SETD7: variants seen among roughly 807,000 people sequenced by gnomAD.
SETD7 encodes SET domain containing 7, histone lysine methyltransferase.
SETD7 carries 16 observed loss-of-function variants against 41.8 expected under a neutral mutation model. That is an observed-to-expected ratio of 0.38 (90% confidence interval 0.26 to 0.58). The LOEUF (loss-of-function observed/expected upper bound fraction) is 0.58, where lower values mean the gene tolerates loss of function less well. SETD7 is among the 20% of genes least tolerant of loss of function. The pLI, the probability that SETD7 is intolerant of heterozygous loss-of-function variation, is 0.64. For synonymous variants in SETD7, 163 were observed against 169.7 expected (o/e 0.96, Z 0.31); for missense variants, 346 against 459.7 (o/e 0.75, Z 2.26).
intron 7 of SETD7, among the ~76,000 whole-genome samples, chr4:139,513,256 C>A (rs1431720601): frequency 6.6e-6 from 1 of 151,400 alleles, no homozygotes. Context: ...CCCATCTCTA[C>A]TAAAAATGCA....
At chr4:139,534,774 C>A (rs1385165350) in intron 2 of SETD7, among the ~76,000 whole-genome samples, 1 of 152,204 alleles carries the variant, frequency 6.6e-6, no homozygotes. Flanking sequence ...ACACTGTGAA[C>A]TGGAGCAGAT....
chr4:139,551,337 G>A (rs545258564), intron 1 of SETD7, among the ~76,000 whole-genome samples: 4 of 152,296 alleles, frequency 2.6e-5, no homozygotes, highest in South Asian at 2.1e-4. Flanking sequence ...TAAGGTTGCC[G>A]GAGCTAATGT....
At chr4:139,516,248 C>G (rs1469287987) in intron 7 of SETD7, among the ~76,000 whole-genome samples, 4 of 151,096 alleles carry the variant, frequency 2.6e-5, no homozygotes. Flanking sequence ...GGTGGATCCC[C>G]TGAGGTCAGG....
rs1302121816 is a variant in SETD7, at chr4:139,555,215, C to A, written c.40+883G>T. Among the ~76,000 whole-genome samples the A allele has an allele frequency of 2.0e-5, 3 of 148,026 alleles. No individual in the cohort carries two copies. Among genetic ancestry groups the A allele is most frequent in the East Asian group, 3.9e-4 (2 of 5,108 alleles). ...AAAAAAAAAAGGTGGAGAAACTCAG[C>A]AAAACAAAGTGGCGAGAAAAGTCGG... On this transcript the variant is annotated intron_variant, in intron 1 of 7. Transcript: ENST00000274031. The surrounding 1 kb of genome is among the most constrained non-coding windows in gnomAD (Gnocchi z 4.0).
intron 3 of SETD7, chr4:139,532,832 A>G (rs559415598): frequency 8.4e-6 from 3 of 357,880 alleles, no homozygotes; most frequent in Non-Finnish European, 1.5e-5. Context: ...AATTTCCACT[A>G]TCTCCCTCTA....
At chr4:139,541,239 T>G (rs1169948227) in intron 2 of SETD7, among the ~76,000 whole-genome samples, 1 of 152,178 alleles carries the variant, frequency 6.6e-6, no homozygotes, top group African/African-American at 2.4e-5. Flanking sequence ...AAAGCCAATC[T>G]GAAGAAATAT....
At chr4:139,514,468 CAG>C (rs3075113) in intron 7 of SETD7, among the ~76,000 whole-genome samples, 32,206 of 151,828 alleles carry the variant, frequency 0.21, 4,404 homozygotes, top group African/African-American at 0.39. Flanking sequence ...TCATCATTTT[CAG>C]AGTGTAGATA....
chr4:139,516,315 A>G (rs961502612), intron 7 of SETD7, among the ~76,000 whole-genome samples: 1 of 151,912 alleles, frequency 6.6e-6, no homozygotes, highest in Non-Finnish European at 1.5e-5. Flanking sequence ...AAAATACAAC[A>G]ATTAGCCATG....
chr4:139,507,519 C>T lies in SETD7; in HGVS notation c.*4144G>A, dbSNP rs1726741585. ...AAATTTTTGTAATGTGTTTAAGTAG[C>T]ACTGGAATAATTCAACTTCATTTAA... On this transcript the variant is annotated 3_prime_UTR_variant, in exon 8 of 8. Transcript: ENST00000274031. The T allele has an allele frequency of 6.6e-6, 1 of 152,618 alleles. No homozygotes were observed. Among genetic ancestry groups the T allele is most frequent in the Non-Finnish European group, 1.5e-5 (1 of 68,040 alleles). The allele number at this position is 152,618 out of a possible 1,614,324, so 9.5% of individuals were successfully genotyped here.
intron 5 of SETD7, among the ~76,000 whole-genome samples, chr4:139,522,781 T>A (rs575707284): frequency 2.2e-4 from 31 of 137,890 alleles, no homozygotes; most frequent in Non-Finnish European, 3.8e-4. Flanking sequence ...TTAGATGGAG[T>A]CTTGCTCTGT....
chr4:139,517,771 G>C (rs1214215254), intron 7 of SETD7, 114 bp downstream of exon 7: 1 of 1,128,388 alleles, frequency 8.9e-7, no homozygotes, highest in South Asian at 1.6e-5. Flanking sequence ...GAGGACCCAT[G>C]GTCATTCAGA....
chr4:139,512,075 C>T (rs1268315404), intron 7 of SETD7, among the ~76,000 whole-genome samples: 1 of 152,184 alleles, frequency 6.6e-6, no homozygotes, highest in Admixed American at 6.5e-5. Flanking sequence ...TAGCGACACC[C>T]CCAGGCGATC....
chr4:139,550,661 T>G (rs1728085607), intron 1 of SETD7, among the ~76,000 whole-genome samples: 1 of 152,192 alleles, frequency 6.6e-6, no homozygotes, highest in African/African-American at 2.4e-5. Flanking sequence ...CTGACATAAC[T>G]TTTTCAAATG....
chr4:139,494,415 T>C (rs1042289593), downstream of SETD7, among the ~76,000 whole-genome samples: 2 of 152,208 alleles, frequency 1.3e-5, no homozygotes, highest in Non-Finnish European at 2.9e-5. Flanking sequence ...GCAATTATTA[T>C]GACTAAACAG....
chr4:139,511,620 C>T lies in SETD7; in HGVS notation c.*43G>A, dbSNP rs779107075. The T allele has an allele frequency of 1.9e-5, 30 of 1,612,016 alleles. No individual in the cohort carries two copies. Among genetic ancestry groups the T allele is most frequent in the Non-Finnish European group, 2.5e-5 (30 of 1,179,666 alleles). ...TGTCAGATAAACGTAGTGCATAGAT[C>T]CAAGTTTCTATTCCAGGTCTCTGAA... On this transcript the variant is annotated 3_prime_UTR_variant, in exon 8 of 8. Coordinates refer to ENST00000274031, the MANE Select transcript of SETD7 (RefSeq NM_030648.4).
At chr4:139,529,264 G>A (rs757630570) in intron 3 of SETD7, 44 bp from the exon 4 acceptor site, 11 of 1,503,204 alleles carry the variant, frequency 7.3e-6, no homozygotes, top group East Asian at 4.5e-5. Context: ...TATATAGTAT[G>A]TCTAGGACAT....
chr4:139,547,040 T>C lies in SETD7; in HGVS notation c.50A>G (p.Asp17Gly). ...MVEEAVEGHL[D>G]DDGLPHGFCT... ...GAACCCGTGCGGTAATCCGTCATCGTCCAGGTGCCCTGGAGAAAGGGAACC... is the reference window on the plus strand; with the variant it reads ...GAACCCGTGCGGTAATCCGTCATCGCCCAGGTGCCCTGGAGAAAGGGAACC... The change falls in exon 2 of 8, where the codon GAC becomes GGC. Residue 17 changes from aspartate to glycine, a missense_variant. Physicochemically the swap from Asp to Gly is moderately conservative, Grantham distance 94. Around this residue, in one of 3 missense-constraint regions of SETD7, gnomAD observed 266 missense variants for 377.0 expected, o/e 0.71. Coordinates refer to ENST00000274031, the MANE Select transcript of SETD7 (RefSeq NM_030648.4). 1 of 1,613,940 alleles carries C rather than the reference T, an allele frequency of 6.2e-7. No individual in the cohort carries two copies. The highest frequency in any genetic ancestry group is 8.5e-7 in the Non-Finnish European group (1 of 1,179,916).
chr4:139,525,103 T>G (rs1253112281), intron 4 of SETD7, among the ~76,000 whole-genome samples: 1 of 152,168 alleles, frequency 6.6e-6, no homozygotes, highest in Non-Finnish European at 1.5e-5. Context: ...AGGCGTGAGC[T>G]GCTGTGCCCA....
At chr4:139,511,893 G>C in intron 7 of SETD7, 50 bp from the exon 8 acceptor site, 1 of 1,568,434 alleles carries the variant, frequency 6.4e-7, no homozygotes, top group Non-Finnish European at 8.6e-7. Context: ...CAGGAGGTTG[G>C]AAGCAAAGGC....
Sources: allele counts gnomAD v4.1 joint callset (sites outside exome capture counted in the v4.1 genomes callset), GRCh38; gene constraint gnomAD v4.1.1; regional missense constraint gnomAD v4.1.1; non-coding constraint Gnocchi (gnomAD v3.1); transcripts MANE v1.5; gene names NCBI Gene and HGNC (gene_info 2026-07-23, HGNC 2026-07-21).